Variants in PDGFD observed in about 807,000 individuals in gnomAD.
The protein encoded by PDGFD is platelet derived growth factor D.
Under a neutral mutation model 44.7 loss-of-function variants are expected in PDGFD, and 30 were observed. That is an observed-to-expected ratio of 0.67 (90% CI 0.50 to 0.91). The LOEUF is 0.91. Ranked by LOEUF, PDGFD falls within the 40% of genes least tolerant of loss-of-function variation. PDGFD has a pLI of 0.00. For missense variants in PDGFD, 445 were observed against 457.8 expected, an observed-to-expected ratio of 0.97 and a Z score of 0.25; for synonymous variants, 173 against 168.4, an observed-to-expected ratio of 1.03 and a Z score of -0.21.
intron 1 of PDGFD, among the ~76,000 whole-genome samples, chr11:104,117,218 C>T (rs980891064): frequency 8.6e-5 from 13 of 151,932 alleles, no homozygotes; most frequent in African/African-American, 2.7e-4. Flanking sequence ...AATCGACATA[C>T]AAGGGACATA....
chr11:104,040,683 G>C (rs1337164863), intron 1 of PDGFD, among the ~76,000 whole-genome samples: 1 of 150,360 alleles, frequency 6.7e-6, no homozygotes, highest in African/African-American at 2.4e-5. Flanking sequence ...AGAATTATTA[G>C]AAACATTCAA....
chr11:104,111,507 C>A (rs563649143), intron 1 of PDGFD, among the ~76,000 whole-genome samples: 12 of 152,070 alleles, frequency 7.9e-5, no homozygotes, highest in African/African-American at 2.9e-4. Context: ...ATCCTTCTGC[C>A]TTGGCTTCCC....
At chr11:104,049,037 G>A (rs1860485767) in intron 1 of PDGFD, among the ~76,000 whole-genome samples, 1 of 152,180 alleles carries the variant, frequency 6.6e-6, no homozygotes, top group African/African-American at 2.4e-5. Context: ...AGGTCACAGA[G>A]CTAGTCAGTG....
At chr11:104,047,758 GAAGGTCTAA>G (rs1183293112) in intron 1 of PDGFD, among the ~76,000 whole-genome samples, 1 of 151,402 alleles carries the variant, frequency 6.6e-6, no homozygotes, top group Non-Finnish European at 1.5e-5. Context: ...ATGGTTTTAT[GAAGGTCTAA>G]AACATGTGGC....
At chr11:104,160,289 C>T (rs1196684477) in intron 1 of PDGFD, among the ~76,000 whole-genome samples, 1 of 152,144 alleles carries the variant, frequency 6.6e-6, no homozygotes, top group African/African-American at 2.4e-5. Context: ...GAATTGTTTA[C>T]CACCAACACC....
intron 6 of PDGFD, among the ~76,000 whole-genome samples, chr11:103,915,889 A>G (rs1858116070): frequency 6.6e-6 from 1 of 152,218 alleles, no homozygotes; most frequent in African/African-American, 2.4e-5. Context: ...GGCTAGCCAT[A>G]TGCAGAAAGC....
intron 1 of PDGFD, among the ~76,000 whole-genome samples, chr11:104,119,591 A>G (rs1230028502): frequency 1.0e-5 from 1 of 95,520 alleles, no homozygotes; most frequent in South Asian, 3.5e-4. Context: ...ATATTGATAT[A>G]ATATATAATA....
At chr11:104,134,141 C>T (rs1861966137) in intron 1 of PDGFD, among the ~76,000 whole-genome samples, 1 of 132,458 alleles carries the variant, frequency 7.5e-6, no homozygotes, top group South Asian at 2.3e-4. Context: ...AAGTATGAAC[C>T]CAGCTGTGTG....
chr11:103,961,339 T>A (rs556178742), intron 3 of PDGFD, among the ~76,000 whole-genome samples: 1 of 152,260 alleles, frequency 6.6e-6, no homozygotes, highest in East Asian at 1.9e-4. Flanking sequence ...TAGAAATAAA[T>A]GCTCTACTGG....
intron 1 of PDGFD, among the ~76,000 whole-genome samples, chr11:104,082,297 C>A (rs1861057348): frequency 6.6e-6 from 1 of 151,788 alleles, no homozygotes; most frequent in South Asian, 2.1e-4. Context: ...AGTGGCTACT[C>A]CTTCTTGATG....
At chr11:104,132,995 T>C (rs1861945974) in intron 1 of PDGFD, among the ~76,000 whole-genome samples, 1 of 152,096 alleles carries the variant, frequency 6.6e-6, no homozygotes, top group Non-Finnish European at 1.5e-5. Flanking sequence ...TCAGAGACCC[T>C]CTTCATCATT....
At chr11:103,930,186 C>T (rs1858379568) in intron 5 of PDGFD, among the ~76,000 whole-genome samples, 1 of 152,170 alleles carries the variant, frequency 6.6e-6, no homozygotes, top group Admixed American at 6.5e-5. Flanking sequence ...GAAGGCTCCC[C>T]TGTCCTCAAA....
chr11:104,137,537 T>C (rs920937402), intron 1 of PDGFD, among the ~76,000 whole-genome samples: 2 of 152,090 alleles, frequency 1.3e-5, no homozygotes, highest in Non-Finnish European at 2.9e-5. Context: ...TTTACAGTGA[T>C]CCAAAAAGTA....
intron 6 of PDGFD, among the ~76,000 whole-genome samples, chr11:103,925,918 G>A (rs1269757135): frequency 6.6e-6 from 1 of 151,696 alleles, no homozygotes; most frequent in Non-Finnish European, 1.5e-5. Context: ...TAGTAGAGAC[G>A]GGGTTTTGCC....
intron 3 of PDGFD, among the ~76,000 whole-genome samples, chr11:103,963,237 C>T (rs776098734): frequency 3.9e-5 from 6 of 152,072 alleles, no homozygotes; most frequent in Non-Finnish European, 8.8e-5. Flanking sequence ...AATGTACTAT[C>T]ACCTAGAATG....
intron 1 of PDGFD, among the ~76,000 whole-genome samples, chr11:104,065,613 A>G (rs1860779327): frequency 6.6e-6 from 1 of 152,228 alleles, no homozygotes; most frequent in South Asian, 2.1e-4. Flanking sequence ...AACTGGCAAT[A>G]GAAAATTCCG....
At chr11:103,984,772 A>C (rs1859327499) in intron 3 of PDGFD, among the ~76,000 whole-genome samples, 1 of 146,508 alleles carries the variant, frequency 6.8e-6, no homozygotes, top group Non-Finnish European at 1.5e-5. Context: ...AGGTGCTAAA[A>C]ACTAGTTAAA....
At chr11:104,159,346 C>T (rs1303938649) in intron 1 of PDGFD, among the ~76,000 whole-genome samples, 1 of 151,994 alleles carries the variant, frequency 6.6e-6, no homozygotes, top group African/African-American at 2.4e-5. Flanking sequence ...TGGCATGGCG[C>T]AGATGAGGTA....
chr11:104,076,841 G>C (rs1337969874), intron 1 of PDGFD, among the ~76,000 whole-genome samples: 1 of 152,150 alleles, frequency 6.6e-6, no homozygotes, highest in Non-Finnish European at 1.5e-5. Context: ...TATTCAACGT[G>C]AGGATGAGGA....
Sources: gnomAD v4.1 joint callset for allele counts (sites outside exome capture counted in the v4.1 genomes callset) on GRCh38, gnomAD v4.1.1 for gene constraint, MANE v1.5 for transcripts, NCBI Gene and HGNC (gene_info 2026-07-23, HGNC 2026-07-21) for gene names.